The following RNF10 variants were observed in gnomAD, a reference collection of about 807,000 sequenced individuals.
The protein encoded by RNF10 is ring finger protein 10, also known as E3 ubiquitin-protein ligase RNF10.
Under a neutral mutation model 91.4 loss-of-function variants are expected in RNF10, and 38 were observed. The ratio of observed to expected loss-of-function variants is 0.42; its 90% CI spans 0.32 to 0.54. RNF10 has a LOEUF of 0.54. Among genes scored for constraint, RNF10 ranks in the 20% least tolerant of loss-of-function variants. RNF10 has a pLI of 0.16. For missense variants in RNF10, 945 were observed against 1,012.0 expected (o/e 0.93, Z 0.90); for synonymous variants, 364 against 366.3 (o/e 0.99, Z 0.07).
rs1394579959 is a variant in RNF10 at position 120,563,825 on chromosome 12, A to G, written c.1547A>G (p.His516Arg). Residue 516 changes from histidine (H) to arginine (R), a missense_variant, in exon 10 of 17, where the codon CAT becomes CGT. By Grantham distance (29) the His-to-Arg change is conservative. Transcript: ENST00000325954. The part of the protein sequence containing the change: ...YYFYQAEDGQ[H>R]MFLHPVNVRC... ...TTGTCCTCAGCGGAAGATGGACAGCATATGTTCCTGCACCCTGTGAATGTG... is the reference window on the plus strand; with the variant it reads ...TTGTCCTCAGCGGAAGATGGACAGCGTATGTTCCTGCACCCTGTGAATGTG... 4 of 1,614,116 alleles carry G rather than the reference A, an allele frequency of 2.5e-6. No individual in the cohort carries two copies. The highest frequency in any genetic ancestry group is 1.7e-4 in the Middle Eastern group (1 of 6,054).
At chr12:120,552,428 T>A in intron 2 of RNF10, 71 bp from the exon 3 acceptor site, 2 of 1,361,420 alleles carry the variant, frequency 1.5e-6, no homozygotes, top group Non-Finnish European at 1.0e-6. Context: ...AAAGGAGGGT[T>A]TTTTTTGGGT....
intron 6 of RNF10, among the ~76,000 whole-genome samples, chr12:120,558,160 T>C (rs1345880516): frequency 6.6e-6 from 1 of 152,232 alleles, no homozygotes; most frequent in Non-Finnish European, 1.5e-5. Context: ...ATAAATGGTA[T>C]TGAAACAATT....
intron 13 of RNF10, among the ~76,000 whole-genome samples, chr12:120,569,626 C>T (rs1461021950): frequency 3.3e-5 from 5 of 150,116 alleles, no homozygotes; most frequent in Non-Finnish European, 7.4e-5. Context: ...GCAACCTCTG[C>T]GTCCCAGGTT....
intron 2 of RNF10, among the ~76,000 whole-genome samples, chr12:120,550,393 G>A (rs1872867869): frequency 6.6e-6 from 1 of 152,034 alleles, no homozygotes; most frequent in South Asian, 2.1e-4. Flanking sequence ...AGCTGAAGAT[G>A]ATAAAAGGTT....
At chr12:120,552,733 T>C (rs1463786315) in intron 3 of RNF10, 35 bp downstream of exon 3, 2 of 1,591,312 alleles carry the variant, frequency 1.3e-6, no homozygotes, top group African/African-American at 2.7e-5. Context: ...AAAGGGAAAG[T>C]AGGACTCTCC....
chr12:120,558,580 T>A (rs956397350), intron 6 of RNF10, among the ~76,000 whole-genome samples: 24 of 150,528 alleles, frequency 1.6e-4, no homozygotes, highest in African/African-American at 5.1e-4. Context: ...TATATATATT[T>A]TTTTTTGAGA....
At chr12:120,572,212 G>A (rs1032262732) in intron 14 of RNF10, among the ~76,000 whole-genome samples, 37 of 151,264 alleles carry the variant, frequency 2.4e-4, no homozygotes, top group Admixed American at 3.3e-4. Context: ...GACTATAGGC[G>A]CCTGCCACCA....
chr12:120,538,776 A>G (rs1253962835), intron 1 of RNF10, among the ~76,000 whole-genome samples: 1 of 152,152 alleles, frequency 6.6e-6, no homozygotes, highest in Non-Finnish European at 1.5e-5. Flanking sequence ...AAGGTCAGGT[A>G]TTATGAGGCA....
chr12:120,554,472 G>A (rs905299266), intron 3 of RNF10: 1 of 435,490 alleles, frequency 2.3e-6, no homozygotes, highest in Non-Finnish European at 4.2e-6. Flanking sequence ...GGATGCCTTT[G>A]GGGAATTTGG....
At chr12:120,539,346 CCTCT>C (rs1448754503) in intron 1 of RNF10, 2 of 1,185,474 alleles carry the variant, frequency 1.7e-6, no homozygotes, top group East Asian at 5.7e-5. Flanking sequence ...CCTGATACCA[CCTCT>C]CTCTTCCTTT....
chr12:120,553,692 G>T (rs756044100), intron 3 of RNF10, among the ~76,000 whole-genome samples: 12 of 150,478 alleles, frequency 8.0e-5, no homozygotes, highest in Middle Eastern at 3.4e-3. Context: ...CGTGAGCCAC[G>T]GCACCCAACC....
chr12:120,536,129 G>C (rs1399103192), intron 1 of RNF10, among the ~76,000 whole-genome samples: 1 of 152,124 alleles, frequency 6.6e-6, no homozygotes, highest in Non-Finnish European at 1.5e-5. Flanking sequence ...TAAAAAAACT[G>C]TTTAGAGTGA....
In RNF10 at chr12:120,563,543, C is replaced by T; in HGVS notation, c.1451C>T (p.Thr484Ile). The change falls in exon 9 of 17, where the codon ACT (threonine) becomes ATT (isoleucine). Residue 484 changes from threonine (T) to isoleucine (I), a missense_variant. By Grantham distance (89) the Thr-to-Ile change is moderately conservative. Transcript: ENST00000325954. ...DDNLKEGTIC[T>I]ESSQQEPITK... ...AATCTTAAAGAGGGGACCATTTGCA[C>T]TGAGTCCAGCCAGCAGGAACCCATC... 2 of 1,614,118 alleles carry T rather than the reference C, an allele frequency of 1.2e-6. No homozygotes were observed. The highest frequency in any genetic ancestry group is 1.3e-5 in the African/African-American group (1 of 75,038).
intron 1 of RNF10, among the ~76,000 whole-genome samples, chr12:120,545,047 G>A (rs866369401): frequency 8.5e-5 from 13 of 152,328 alleles, no homozygotes; most frequent in Admixed American, 5.9e-4. Context: ...TTTGTGACAC[G>A]TATGTAAAAT....
Position 120,552,273 on chromosome 12 carries a change from G to T in RNF10, c.355-226G>T, listed in dbSNP as rs139895552. ...AGCTGGGTGTGGTTTAATCCCACAC[G>T]CCTGTAATCCCAGCTACTCAGGAGG... On this transcript the variant is annotated intron_variant, in intron 2 of 16. Transcript: ENST00000325954. Among the ~76,000 whole-genome samples, 566 of 151,762 alleles carry T rather than the reference G, an allele frequency of 3.7e-3. 6 individuals are homozygous for T. Among genetic ancestry groups the T allele is most frequent in the East Asian group, 0.026 (133 of 5,146 alleles).
chr12:120,534,829 C>T lies in RNF10; in HGVS notation c.18C>T (p.Pro6=). 6.3e-7 allele frequency: 1 copy of T among 1,593,524 alleles called. No homozygotes were observed. ...CCCCGTTGATGCCGCTGAGCTCCCC[C>T]AACGCCGCCGCCACCGCCTCCGACA... is the stretch of plus-strand genomic sequence containing the variant. MPLSS[P]NAAATASDMD... is the part of the protein sequence containing the mutation. The change falls in exon 1 of 17, where the codon CCC becomes CCT. Residue 6 remains proline (P), a synonymous_variant. Transcript: ENST00000325954.
At chr12:120,545,549 AT>A (rs982154748) in intron 1 of RNF10, among the ~76,000 whole-genome samples, 19 of 149,488 alleles carry the variant, frequency 1.3e-4, no homozygotes, top group East Asian at 6.0e-4. Flanking sequence ...ATTTAATTAA[AT>A]TTTTTTTTGA....
At chr12:120,539,108 A>G (rs1871213508) in intron 1 of RNF10, among the ~76,000 whole-genome samples, 1 of 152,304 alleles carries the variant, frequency 6.6e-6, no homozygotes, top group African/African-American at 2.4e-5. Flanking sequence ...ACTGTGTGTC[A>G]GCCACTATGG....
At chr12:120,565,286 T>C in intron 11 of RNF10, 97 bp downstream of exon 11, 1 of 1,128,132 alleles carries the variant, frequency 8.9e-7, no homozygotes, top group Non-Finnish European at 1.3e-6. Flanking sequence ...AACTGTATCA[T>C]GAGTCTTAGT....
Sources: gnomAD v4.1 joint callset for allele counts (sites outside exome capture counted in the v4.1 genomes callset) on GRCh38, gnomAD v4.1.1 for gene constraint, MANE v1.5 for transcripts, NCBI Gene and HGNC (gene_info 2026-07-23, HGNC 2026-07-21) for gene names.